The following ARHGAP24 variants were observed in gnomAD, a reference collection of about 807,000 sequenced individuals.
The protein encoded by ARHGAP24 is Rho GTPase activating protein 24.
Under a neutral mutation model 76.4 loss-of-function variants are expected in ARHGAP24, and 50 were observed. The observed-to-expected ratio is 0.65, with a 90% CI of 0.52 to 0.83. ARHGAP24 has a LOEUF of 0.83. Among genes scored for constraint, ARHGAP24 ranks in the 40% least tolerant of loss-of-function variants. The pLI is 0.00. For synonymous variants in ARHGAP24, 345 were observed against 323.3 expected, an observed-to-expected ratio of 1.07 and a Z score of -0.72; for missense variants, 930 against 914.2, an observed-to-expected ratio of 1.02 and a Z score of -0.22.
chr4:85,995,322 C>T lies in ARHGAP24; in HGVS notation c.1668C>T (p.Ser556=). 6.2e-7 allele frequency: 1 copy of T among 1,614,072 alleles called. No homozygotes were observed. The highest frequency in any genetic ancestry group is 8.5e-7 in the Non-Finnish European group (1 of 1,180,036). Residue 556 remains serine, a synonymous_variant, in exon 9 of 10, where the codon TCC becomes TCT. Transcript: ENST00000395184. ...DKQSIDSATW[S]TSSCEISLPE... is the part of the protein sequence containing the mutation. ...AGAGCATTGACAGTGCTACCTGGTC[C>T]ACTTCCTCCTGTGAAATCTCCCTCC...
At chr4:85,977,520 C>G (rs1739410497) in intron 7 of ARHGAP24, 50 bp from the exon 8 acceptor site, 1 of 1,599,750 alleles carries the variant, frequency 6.3e-7, no homozygotes, top group Non-Finnish European at 8.5e-7. Context: ...TTTTCTTCCA[C>G]TGGCAAATTT....
chr4:85,896,950 G>A (rs922163264), intron 3 of ARHGAP24, among the ~76,000 whole-genome samples: 1 of 152,104 alleles, frequency 6.6e-6, no homozygotes, highest in Non-Finnish European at 1.5e-5. Flanking sequence ...ATGGAGTTTG[G>A]TTTAAAAAAT....
At chr4:85,935,974 T>C (rs994494053) in intron 4 of ARHGAP24, among the ~76,000 whole-genome samples, 12 of 152,240 alleles carry the variant, frequency 7.9e-5, no homozygotes, top group Non-Finnish European at 1.5e-5. Context: ...ATTTTGTGGC[T>C]ACTTAAAAAG....
chr4:85,559,029 G>C (rs1192939209), intron 1 of ARHGAP24, among the ~76,000 whole-genome samples: 4 of 152,112 alleles, frequency 2.6e-5, no homozygotes, highest in Admixed American at 1.3e-4. Flanking sequence ...AAAAATTATA[G>C]ACATCAGGGA....
At chr4:85,941,752 AT>A (rs1374812619) in intron 4 of ARHGAP24, among the ~76,000 whole-genome samples, 4 of 152,220 alleles carry the variant, frequency 2.6e-5, no homozygotes, top group African/African-American at 9.6e-5. Flanking sequence ...AAGGAAAAAA[AT>A]AAATGAAAAC....
chr4:85,661,466 TA>T (rs1560573931), intron 2 of ARHGAP24, among the ~76,000 whole-genome samples: 1 of 152,132 alleles, frequency 6.6e-6, no homozygotes, highest in African/African-American at 2.4e-5. Flanking sequence ...TCAAAAACAA[TA>T]AGGTATGTGA....
At chr4:85,593,835 A>G (rs1357108291) in intron 2 of ARHGAP24, among the ~76,000 whole-genome samples, 4 of 152,118 alleles carry the variant, frequency 2.6e-5, no homozygotes, top group South Asian at 2.1e-4. Context: ...TGCCAGTACT[A>G]TGCTCTCTTA....
At chr4:85,674,784 A>G (rs2110004547) in intron 2 of ARHGAP24, among the ~76,000 whole-genome samples, 2 of 152,342 alleles carry the variant, frequency 1.3e-5, no homozygotes, top group Middle Eastern at 6.8e-3. Context: ...AATTATTCAC[A>G]TTCCATGACT....
chr4:85,562,612 C>T (rs551094526), intron 1 of ARHGAP24, among the ~76,000 whole-genome samples: 1 of 152,144 alleles, frequency 6.6e-6, no homozygotes, highest in Non-Finnish European at 1.5e-5. Flanking sequence ...CTTCCATATT[C>T]CACTTGCATT....
chr4:85,684,799 A>G (rs1723359343), intron 2 of ARHGAP24, among the ~76,000 whole-genome samples: 1 of 152,156 alleles, frequency 6.6e-6, no homozygotes, highest in Admixed American at 6.5e-5. Context: ...AATCCTTAAG[A>G]TTCTTAGAGC....
chr4:85,746,721 G>A (rs1026540437), intron 3 of ARHGAP24, among the ~76,000 whole-genome samples: 3 of 152,050 alleles, frequency 2.0e-5, no homozygotes, highest in Non-Finnish European at 4.4e-5. Context: ...TGCGATCTCG[G>A]CTCACTACAA....
At chr4:85,791,998 A>C (rs1382952471) in intron 3 of ARHGAP24, among the ~76,000 whole-genome samples, 1 of 152,150 alleles carries the variant, frequency 6.6e-6, no homozygotes, top group Non-Finnish European at 1.5e-5. Context: ...GTTACAAGGA[A>C]GCAAAAACGA....
intron 2 of ARHGAP24, among the ~76,000 whole-genome samples, chr4:85,580,076 C>T (rs1215898003): frequency 6.6e-6 from 1 of 152,094 alleles, no homozygotes; most frequent in Non-Finnish European, 1.5e-5. Context: ...TCAAGCCTCA[C>T]ACTTGGTTTA....
chr4:85,591,242 C>T (rs1395713483), intron 2 of ARHGAP24, among the ~76,000 whole-genome samples: 1 of 151,912 alleles, frequency 6.6e-6, no homozygotes, highest in Non-Finnish European at 1.5e-5. Flanking sequence ...AATGAGGCTT[C>T]ACCGCTTTGG....
intron 2 of ARHGAP24, among the ~76,000 whole-genome samples, chr4:85,640,715 A>G (rs936078244): frequency 6.6e-6 from 1 of 152,176 alleles, no homozygotes; most frequent in Non-Finnish European, 1.5e-5. Context: ...TAAAAGGGTA[A>G]CAATTATTTA....
At chr4:85,972,385 A>G (rs1739039130) in intron 6 of ARHGAP24, 1 of 589,364 alleles carries the variant, frequency 1.7e-6, no homozygotes, top group African/African-American at 1.9e-5. Flanking sequence ...GAATAAATTA[A>G]ATCAGCACGA....
chr4:85,622,885 T>C, intron 2 of ARHGAP24, among the ~76,000 whole-genome samples: 1 of 152,206 alleles, frequency 6.6e-6, no homozygotes, highest in Non-Finnish European at 1.5e-5. Flanking sequence ...TTTGGCTGCA[T>C]AAATGTCTTC....
intron 1 of ARHGAP24, among the ~76,000 whole-genome samples, chr4:85,536,562 A>T (rs898671862): frequency 2.6e-5 from 4 of 152,130 alleles, no homozygotes; most frequent in African/African-American, 9.6e-5. Flanking sequence ...AATTTTAATA[A>T]ATGGCTGTTG....
rs368729742 is a variant in ARHGAP24 at position 85,875,755 on chromosome 4, A to AACAGAAT, written c.269-47884_269-47878dup. On this transcript the variant is annotated intron_variant, in intron 3 of 9. Transcript: ENST00000395184. ...ATATATATTTTTGGTTGTGGGGGAG[A>AACAGAAT]ACAGAATACAGAATATCGCTCTGTT... is the stretch of plus-strand genomic sequence containing the variant. Among the ~76,000 whole-genome samples, 1,129 of 145,224 alleles carry AACAGAAT rather than the reference A, an allele frequency of 7.8e-3. 13 individuals carry two copies. Among genetic ancestry groups the AACAGAAT allele is most frequent in the East Asian group, 0.036 (181 of 5,056 alleles).
Sources: gnomAD v4.1 joint callset for allele counts (sites outside exome capture counted in the v4.1 genomes callset) on GRCh38, gnomAD v4.1.1 for gene constraint, MANE v1.5 for transcripts, NCBI Gene and HGNC (gene_info 2026-07-23, HGNC 2026-07-21) for gene names.